Variants in LRRIQ3 observed in about 807,000 individuals in gnomAD.
LRRIQ3 encodes leucine rich repeats and IQ motif containing 3, also known as leucine-rich repeat and IQ domain-containing protein 3.
In LRRIQ3, 75 loss-of-function variants were observed where a neutral mutation model predicts 59.3. That is an observed-to-expected ratio of 1.26 (90% CI 1.05 to 1.53). The LOEUF is 1.53. LRRIQ3 is among the 40% of genes most tolerant of loss of function. The pLI, the probability that LRRIQ3 is intolerant of heterozygous loss-of-function variation, is 0.00. For missense variants in LRRIQ3, 831 were observed against 710.0 expected, an observed-to-expected ratio of 1.17 and a Z score of -1.94; for synonymous variants, 250 against 231.3, an observed-to-expected ratio of 1.08 and a Z score of -0.73.
At chr1:74,191,152 G>T (rs780274446) in intron 1 of LRRIQ3, among the ~76,000 whole-genome samples, 40 of 152,064 alleles carry the variant, frequency 2.6e-4, no homozygotes, top group Admixed American at 1.3e-4. Flanking sequence ...TTAACAATTC[G>T]AGATAAAATA....
chr1:74,067,575 T>A (rs969405410), intron 6 of LRRIQ3, among the ~76,000 whole-genome samples: 19 of 152,130 alleles, frequency 1.2e-4, no homozygotes, highest in African/African-American at 3.9e-4. Context: ...ATTATAGATA[T>A]CTGATCTATT....
chr1:74,143,873 T>C (rs944722640), intron 4 of LRRIQ3, among the ~76,000 whole-genome samples: 1 of 151,956 alleles, frequency 6.6e-6, no homozygotes, highest in East Asian at 1.9e-4. Context: ...TTAAGTACAT[T>C]ATAAATGTTT....
Position 74,072,855 on chromosome 1 carries a change from C to G in LRRIQ3, c.997+1806G>C, listed in dbSNP as rs543441643. On this transcript the variant is annotated intron_variant, in intron 6 of 7. Transcript: ENST00000354431. ...CTTTGTGTATGAAGTTTTGATTATT[C>G]GAATATTCTGACCATAATGTTCTTT... 6.6e-5 allele frequency among the ~76,000 whole-genome samples: 10 copies of G among 152,002 alleles called. No homozygotes were observed. The South Asian group carries it at 2.1e-3, about 32-fold the overall frequency.
At chr1:74,181,163 G>A (rs184660043) in intron 3 of LRRIQ3, 27 of 205,500 alleles carry the variant, frequency 1.3e-4, no homozygotes, top group Non-Finnish European at 2.4e-4. Context: ...CACTGAATAT[G>A]TGTCTGTCCT....
At chr1:74,094,720 G>A (rs1482283179) in intron 5 of LRRIQ3, among the ~76,000 whole-genome samples, 2 of 152,068 alleles carry the variant, frequency 1.3e-5, no homozygotes, top group Non-Finnish European at 1.5e-5. Flanking sequence ...ATTTGGGGAT[G>A]CTATTAGAGA....
At chr1:74,073,999 T>C (rs1176810729) in intron 6 of LRRIQ3, among the ~76,000 whole-genome samples, 2 of 152,116 alleles carry the variant, frequency 1.3e-5, no homozygotes, top group Non-Finnish European at 2.9e-5. Context: ...CAAAAATGAT[T>C]ATGACCAAAG....
At chr1:74,186,991 C>T (rs1650429943) in intron 1 of LRRIQ3, among the ~76,000 whole-genome samples, 1 of 151,070 alleles carries the variant, frequency 6.6e-6, no homozygotes, top group African/African-American at 2.4e-5. Flanking sequence ...TAAATTAAAA[C>T]CTTACTCCTG....
In LRRIQ3 at chr1:74,083,182, C is replaced by T. The variant is rs1275909749; in HGVS notation, c.868-8392G>A. ...GTCTCAGTAAACTGCTATCACTCAC[C>T]CAAGGTAGGCAGCCTGAAAATTCTA... On this transcript the variant is annotated intron_variant, in intron 5 of 7. Transcript: ENST00000354431. The T allele has an allele frequency of 2.6e-5, 4 of 151,694 alleles. No individual in the cohort carries two copies. In the East Asian group the frequency reaches 7.8e-4, roughly 29 times the overall value. The allele number at this position is 151,694 out of a possible 1,614,324, so 9.4% of individuals were successfully genotyped here.
chr1:74,184,149 T>TA (rs1239074005), intron 1 of LRRIQ3, among the ~76,000 whole-genome samples: 10 of 152,014 alleles, frequency 6.6e-5, no homozygotes, highest in Admixed American at 3.9e-4. Flanking sequence ...TGCAGCCAGA[T>TA]AAAATAAAGG....
chr1:74,174,687 C>A (rs953391599), intron 3 of LRRIQ3, among the ~76,000 whole-genome samples: 1 of 152,110 alleles, frequency 6.6e-6, no homozygotes, highest in Middle Eastern at 3.4e-3. Context: ...AGTCACTGCA[C>A]CCAGCCTACA....
At chr1:74,036,657 C>A (rs1653882502) in intron 7 of LRRIQ3, among the ~76,000 whole-genome samples, 1 of 152,150 alleles carries the variant, frequency 6.6e-6, no homozygotes, top group Admixed American at 6.5e-5. Flanking sequence ...AATCTCATTG[C>A]TTTTTGCCAT....
chr1:74,039,615 G>C (rs898278497), intron 7 of LRRIQ3, among the ~76,000 whole-genome samples: 23 of 152,170 alleles, frequency 1.5e-4, no homozygotes, highest in African/African-American at 5.5e-4. Flanking sequence ...AGCCAGAAGA[G>C]AGTGGGGACC....
At chr1:74,060,208 T>C (rs1043686997) in intron 6 of LRRIQ3, among the ~76,000 whole-genome samples, 1 of 24,264 alleles carries the variant, frequency 4.1e-5, no homozygotes, top group Non-Finnish European at 1.7e-4. Flanking sequence ...TTCTTCTTCT[T>C]CTTCTTCTTC....
At chr1:74,155,438 C>A (rs1331415255) in intron 4 of LRRIQ3, among the ~76,000 whole-genome samples, 1 of 152,136 alleles carries the variant, frequency 6.6e-6, no homozygotes, top group Non-Finnish European at 1.5e-5. Flanking sequence ...AATATAAAAT[C>A]TTCCATGTAT....
chr1:74,121,271 T>C (rs941621530), intron 4 of LRRIQ3, among the ~76,000 whole-genome samples: 2 of 152,200 alleles, frequency 1.3e-5, no homozygotes, highest in African/African-American at 4.8e-5. Flanking sequence ...ATCATTCTTA[T>C]TTTGGCAGAT....
intron 7 of LRRIQ3, among the ~76,000 whole-genome samples, chr1:74,038,424 T>C (rs1317506586): frequency 6.6e-5 from 10 of 152,068 alleles, no homozygotes; most frequent in East Asian, 3.9e-4. Flanking sequence ...CAAGTGGGTT[T>C]CCCCCCCAGC....
At chr1:74,179,087 C>A (rs1048584703) in intron 3 of LRRIQ3, among the ~76,000 whole-genome samples, 6 of 152,046 alleles carry the variant, frequency 3.9e-5, no homozygotes, top group South Asian at 2.1e-4. Flanking sequence ...TACATGTAAA[C>A]AAAACGCAAT....
intron 4 of LRRIQ3, among the ~76,000 whole-genome samples, chr1:74,112,014 C>A (rs1187194384): frequency 6.6e-6 from 1 of 152,058 alleles, no homozygotes; most frequent in African/African-American, 2.4e-5. Context: ...CAAGGTGCAA[C>A]GGGGAGAGAA....
intron 4 of LRRIQ3, among the ~76,000 whole-genome samples, chr1:74,133,027 A>T (rs1167669469): frequency 6.6e-6 from 1 of 152,168 alleles, no homozygotes; most frequent in Non-Finnish European, 1.5e-5. Context: ...AGAAAAAAAC[A>T]AACAATCCCA....
Sources: gnomAD v4.1 joint callset for allele counts (sites outside exome capture counted in the v4.1 genomes callset) on GRCh38, gnomAD v4.1.1 for gene constraint, MANE v1.5 for transcripts, NCBI Gene and HGNC (gene_info 2026-07-23, HGNC 2026-07-21) for gene names.